Variants in SNX29 observed in about 807,000 individuals in gnomAD.
The protein encoded by SNX29 is sorting nexin 29.
Under a neutral mutation model 102.1 loss-of-function variants are expected in SNX29, and 78 were observed. The observed-to-expected ratio is 0.76, with a 90% CI of 0.64 to 0.92. The LOEUF (loss-of-function observed/expected upper bound fraction) is 0.92, where lower values mean the gene tolerates loss of function less well. SNX29 is among the 40% of genes least tolerant of loss of function. The pLI, the probability that SNX29 is intolerant of heterozygous loss-of-function variation, is 0.00. For missense variants in SNX29, 1,280 were observed against 1,061.7 expected (o/e 1.21, Z -2.86); for synonymous variants, 580 against 414.5 (o/e 1.40, Z -4.85).
chr16:12,542,787 G>C (rs906757613), intron 20 of SNX29, among the ~76,000 whole-genome samples: 9 of 150,368 alleles, frequency 6.0e-5, no homozygotes, highest in Admixed American at 4.0e-4. Flanking sequence ...CAAAGTATTA[G>C]TTAAATCAGC....
chr16:12,492,312 G>C (rs1377252520), intron 19 of SNX29, among the ~76,000 whole-genome samples: 1 of 152,094 alleles, frequency 6.6e-6, no homozygotes, highest in African/African-American at 2.4e-5. Context: ...GTGTTTTTTG[G>C]CTGCATAAAT....
intron 18 of SNX29, among the ~76,000 whole-genome samples, chr16:12,445,353 G>A (rs760066516): frequency 1.3e-5 from 2 of 152,038 alleles, no homozygotes; most frequent in Non-Finnish European, 2.9e-5. Context: ...AGATGCCCCC[G>A]CTTCAGGGCT....
intron 15 of SNX29, among the ~76,000 whole-genome samples, chr16:12,349,408 T>C (rs992692054): frequency 1.3e-5 from 2 of 152,244 alleles, no homozygotes; most frequent in African/African-American, 4.8e-5. Flanking sequence ...TCTAGTTTTC[T>C]TAGTTTTCAA....
chr16:12,325,913 C>T (rs748683580), intron 15 of SNX29, among the ~76,000 whole-genome samples: 25 of 152,068 alleles, frequency 1.6e-4, no homozygotes, highest in African/African-American at 5.8e-4. Context: ...CCCGTAGTTT[C>T]GACTGTTCAG....
chr16:12,503,155 C>G (rs2089206879), intron 19 of SNX29, among the ~76,000 whole-genome samples: 1 of 152,176 alleles, frequency 6.6e-6, no homozygotes. Context: ...TGCCCATACC[C>G]TGCTGGGTGC....
chr16:12,540,070 T>G (rs998221699), intron 20 of SNX29, among the ~76,000 whole-genome samples: 1 of 152,246 alleles, frequency 6.6e-6, no homozygotes. Flanking sequence ...ATGCTTTTGG[T>G]GTCATGTCTA....
chr16:12,132,668 A>T (rs1010595878), intron 13 of SNX29, among the ~76,000 whole-genome samples: 2 of 152,156 alleles, frequency 1.3e-5, no homozygotes, highest in Admixed American at 1.3e-4. Context: ...TTGTTGGGAA[A>T]ATTTTATCCC....
intron 19 of SNX29, chr16:12,515,571 A>G (rs1323588117): frequency 2.0e-6 from 1 of 491,742 alleles, no homozygotes; most frequent in East Asian, 4.8e-5. Flanking sequence ...TGCTTCCTGC[A>G]TTGCCTCCTC....
intron 18 of SNX29, among the ~76,000 whole-genome samples, chr16:12,455,965 C>T (rs982281342): frequency 1.3e-5 from 2 of 152,172 alleles, no homozygotes; most frequent in Non-Finnish European, 2.9e-5. Flanking sequence ...CATCTTGGTT[C>T]TTGCCCTCAA....
At chr16:12,560,342 G>A (rs2078652818) in intron 20 of SNX29, among the ~76,000 whole-genome samples, 1 of 152,048 alleles carries the variant, frequency 6.6e-6, no homozygotes, top group South Asian at 2.1e-4. Flanking sequence ...TACCGAAGGG[G>A]GATTTACATT....
intron 11 of SNX29, among the ~76,000 whole-genome samples, chr16:12,080,980 A>C (rs148559990): frequency 1.3e-5 from 2 of 152,232 alleles, no homozygotes; most frequent in Non-Finnish European, 2.9e-5. Context: ...CCGTGCCCAG[A>C]CTGTAGTTTA....
At chr16:12,080,695 T>A (rs78737471) in intron 11 of SNX29, among the ~76,000 whole-genome samples, 2,762 of 144,932 alleles carry the variant, frequency 0.019, 47 homozygotes, top group Middle Eastern at 0.053. Flanking sequence ...CAGTTTACTT[T>A]TTTTTTTTTT....
chr16:12,474,591 A>G (rs2087505272), intron 18 of SNX29, among the ~76,000 whole-genome samples: 1 of 152,210 alleles, frequency 6.6e-6, no homozygotes, highest in Non-Finnish European at 1.5e-5. Context: ...ATTATGAAAA[A>G]TGTAGAGTCA....
chr16:11,988,466 G>A (rs760870762), intron 1 of SNX29, among the ~76,000 whole-genome samples: 2 of 152,092 alleles, frequency 1.3e-5, no homozygotes, highest in African/African-American at 2.4e-5. Flanking sequence ...GGTGTCATCA[G>A]TGCTCACTGC....
intron 9 of SNX29, among the ~76,000 whole-genome samples, chr16:12,065,783 C>G (rs2051006901): frequency 2.0e-5 from 3 of 152,164 alleles, no homozygotes; most frequent in Admixed American, 2.0e-4. Context: ...AGTCTTCCCA[C>G]TGGATCACTG....
At chr16:12,330,559 C>T (rs1342714616) in intron 15 of SNX29, among the ~76,000 whole-genome samples, 1 of 152,208 alleles carries the variant, frequency 6.6e-6, no homozygotes, top group African/African-American at 2.4e-5. Context: ...CAGGTGGTCA[C>T]CATTGTCACC....
intron 16 of SNX29, among the ~76,000 whole-genome samples, chr16:12,379,253 C>T (rs2082990242): frequency 6.6e-6 from 1 of 152,232 alleles, no homozygotes; most frequent in Non-Finnish European, 1.5e-5. Flanking sequence ...CCTCCCACTT[C>T]AGGCTCCTAA....
intron 18 of SNX29, among the ~76,000 whole-genome samples, chr16:12,429,846 G>A (rs1395328729): frequency 6.6e-6 from 1 of 152,184 alleles, no homozygotes; most frequent in Admixed American, 6.5e-5. Context: ...TCTTAGAAAG[G>A]GCATGGACTT....
chr16:12,215,412 A>C (rs1005193899), intron 14 of SNX29, among the ~76,000 whole-genome samples: 1 of 152,060 alleles, frequency 6.6e-6, no homozygotes, highest in South Asian at 2.1e-4. Flanking sequence ...TGTTATCATC[A>C]AGCGCTTTGC....
Sources: gnomAD v4.1 joint callset for allele counts (sites outside exome capture counted in the v4.1 genomes callset) on GRCh38, gnomAD v4.1.1 for gene constraint, MANE v1.5 for transcripts, NCBI Gene and HGNC (gene_info 2026-07-23, HGNC 2026-07-21) for gene names.